Variants in LPP observed in about 807,000 individuals in gnomAD.
The protein encoded by LPP is lipoma-preferred partner.
A neutral mutation model predicts 60.4 loss-of-function variants in LPP; 38 were observed. That is an observed-to-expected ratio of 0.63 (90% confidence interval 0.49 to 0.83). The LOEUF (loss-of-function observed/expected upper bound fraction) is 0.83. LPP is among the 40% of genes least tolerant of loss of function. The pLI, the probability that LPP is intolerant of heterozygous loss-of-function variation, is 0.00. For synonymous variants in LPP, 328 were observed against 290.8 expected, an observed-to-expected ratio of 1.13 and a Z score of -1.30; for missense variants, 902 against 783.6, an observed-to-expected ratio of 1.15 and a Z score of -1.80.
chr3:188,735,590 G>C (rs1722222472), intron 8 of LPP, among the ~76,000 whole-genome samples: 1 of 151,894 alleles, frequency 6.6e-6, no homozygotes, highest in Non-Finnish European at 1.5e-5. Context: ...CACCATGTTG[G>C]CTAGGCTGGT....
intron 9 of LPP, among the ~76,000 whole-genome samples, chr3:188,810,565 T>C (rs780419480): frequency 1.3e-5 from 2 of 152,204 alleles, no homozygotes; most frequent in East Asian, 1.9e-4. Flanking sequence ...TTGCTATTAA[T>C]CTTTTTTGTG....
At chr3:188,762,767 A>ATT (rs35669305) in intron 9 of LPP, among the ~76,000 whole-genome samples, 1 of 146,858 alleles carries the variant, frequency 6.8e-6, no homozygotes, top group African/African-American at 2.5e-5. Flanking sequence ...AATTCTAACC[A>ATT]TTTTTTTTTT....
chr3:188,459,491 G>T (rs1798504228), intron 4 of LPP, among the ~76,000 whole-genome samples: 1 of 152,162 alleles, frequency 6.6e-6, no homozygotes, highest in South Asian at 2.1e-4. Flanking sequence ...GCGTGTCTCA[G>T]AATAGTTCAT....
intron 8 of LPP, among the ~76,000 whole-genome samples, chr3:188,719,816 T>G (rs975899530): frequency 6.6e-6 from 1 of 152,248 alleles, no homozygotes; most frequent in African/African-American, 2.4e-5. Context: ...GACTTTGAAG[T>G]GACATTAGGA....
At chr3:188,193,754 T>TA (rs1195314861) in intron 1 of LPP, among the ~76,000 whole-genome samples, 1 of 152,184 alleles carries the variant, frequency 6.6e-6, no homozygotes, top group African/African-American at 2.4e-5. Context: ...TTCTTTTTTT[T>TA]TTTCTGCTAG....
chr3:188,406,479 C>A (rs897851755), intron 4 of LPP, among the ~76,000 whole-genome samples, 166 bp downstream of exon 4: 5 of 152,186 alleles, frequency 3.3e-5, no homozygotes, highest in Admixed American at 6.5e-5. Context: ...CTAGACCAAC[C>A]CCGTCTTTTA....
intron 7 of LPP, among the ~76,000 whole-genome samples, chr3:188,701,148 T>C (rs1864323171): frequency 6.6e-6 from 1 of 152,230 alleles, no homozygotes; most frequent in Non-Finnish European, 1.5e-5. Context: ...TTATTCTTAA[T>C]CTAGTGGAGT....
At chr3:188,536,288 C>T (rs150101281) in intron 6 of LPP, among the ~76,000 whole-genome samples, 15 of 151,500 alleles carry the variant, frequency 9.9e-5, no homozygotes, top group African/African-American at 2.2e-4. Context: ...GGATTACAGG[C>T]GTGAGCCACT....
intron 7 of LPP, among the ~76,000 whole-genome samples, chr3:188,655,587 A>G (rs112008381): frequency 3.9e-5 from 6 of 152,208 alleles, no homozygotes; most frequent in African/African-American, 1.4e-4. Flanking sequence ...ATGCTGGAAC[A>G]TTACACTGGG....
chr3:188,821,678 C>G (rs1754008845), intron 9 of LPP, among the ~76,000 whole-genome samples: 1 of 151,980 alleles, frequency 6.6e-6, no homozygotes. Flanking sequence ...ATATATATGG[C>G]ATACATGTAC....
chr3:188,760,580 T>C (rs1397793414), intron 9 of LPP, among the ~76,000 whole-genome samples: 3 of 152,212 alleles, frequency 2.0e-5, no homozygotes, highest in Non-Finnish European at 4.4e-5. Flanking sequence ...TTCTAGCATG[T>C]ATGTACAAGC....
intron 3 of LPP, among the ~76,000 whole-genome samples, chr3:188,394,635 T>C (rs574270529): frequency 3.3e-5 from 5 of 152,098 alleles, no homozygotes; most frequent in Non-Finnish European, 7.4e-5. Context: ...ATTTTTCATG[T>C]ATTTTATTTT....
intron 7 of LPP, among the ~76,000 whole-genome samples, chr3:188,694,120 G>T (rs1233681634): frequency 6.6e-6 from 1 of 152,164 alleles, no homozygotes; most frequent in East Asian, 1.9e-4. Flanking sequence ...GGCCTAAGTT[G>T]TTGTAGAATT....
chr3:188,280,636 C>T (rs1200165052), intron 2 of LPP, among the ~76,000 whole-genome samples: 2 of 151,670 alleles, frequency 1.3e-5, no homozygotes, highest in South Asian at 2.1e-4. Context: ...TTCCAGTTGT[C>T]GACGGTCCTA....
intron 1 of LPP, among the ~76,000 whole-genome samples, chr3:188,205,960 CT>C (rs1733088628): frequency 6.6e-6 from 1 of 152,170 alleles, no homozygotes; most frequent in Non-Finnish European, 1.5e-5. Context: ...AGGAAAAGTT[CT>C]GCTGCTACAT....
rs1770891413 is a variant in LPP, at chr3:188,888,174, A to G, written c.*13695A>G. The G allele has an allele frequency of 9.1e-6, 2 of 218,608 alleles. No homozygotes were observed. Among genetic ancestry groups the G allele is most frequent in the East Asian group, 1.3e-4 (2 of 14,996 alleles). The allele number at this position is 218,608 out of a possible 1,614,324, so 13.5% of individuals were successfully genotyped here. On this transcript the variant is annotated 3_prime_UTR_variant, in exon 12 of 12. Coordinates refer to ENST00000617246, the MANE Select transcript of LPP (RefSeq NM_001375462.1). ...TTGTCTTTTAACCTACACCTTTATC[A>G]TTACTCTAACAGATTTAGGGCTTCT...
intron 3 of LPP, among the ~76,000 whole-genome samples, chr3:188,373,636 A>T (rs1272424619): frequency 6.6e-6 from 1 of 151,296 alleles, no homozygotes; most frequent in Admixed American, 6.6e-5. Flanking sequence ...GGTTGCAAAA[A>T]TTTTCTCCCA....
intron 4 of LPP, among the ~76,000 whole-genome samples, chr3:188,456,129 T>C (rs1476930003): frequency 6.6e-6 from 1 of 152,202 alleles, no homozygotes; most frequent in African/African-American, 2.4e-5. Context: ...AATGATTCTT[T>C]GCTTTCGCCT....
In LPP at chr3:188,434,364, A is replaced by G. The variant is rs1791783437; in HGVS notation, c.193+28051A>G. 2.6e-5 allele frequency among the ~76,000 whole-genome samples: 4 copies of G among 152,086 alleles called. No individual in the cohort carries two copies. In the South Asian group the frequency reaches 8.3e-4, roughly 32 times the overall value. On this transcript the variant is annotated intron_variant, in intron 4 of 11. Transcript: ENST00000617246. ...TATGTGATGCATACTAATGTTTTCTATTCAATTTCATTACAAAAATTCTTT... is the reference window on the plus strand; with the variant it reads ...TATGTGATGCATACTAATGTTTTCTGTTCAATTTCATTACAAAAATTCTTT...
Sources: gnomAD v4.1 joint callset for allele counts (sites outside exome capture counted in the v4.1 genomes callset) on GRCh38, gnomAD v4.1.1 for gene constraint, MANE v1.5 for transcripts, NCBI Gene and HGNC (gene_info 2026-07-23, HGNC 2026-07-21) for gene names.